NEK4: variants seen among roughly 807,000 people sequenced by gnomAD.
The protein encoded by NEK4 is NIMA related kinase 4.
A neutral mutation model predicts 98.4 loss-of-function variants in NEK4; 86 were observed. That is an observed-to-expected ratio of 0.87 (90% CI 0.73 to 1.05). NEK4 has a LOEUF of 1.05. Ranked by LOEUF, NEK4 falls within the 50% of genes least tolerant of loss-of-function variation. NEK4 has a pLI of 0.00. For missense variants in NEK4, 898 were observed against 950.3 expected, an observed-to-expected ratio of 0.94 and a Z score of 0.72; for synonymous variants, 328 against 342.2, an observed-to-expected ratio of 0.96 and a Z score of 0.46.
In NEK4 at chr3:52,730,463, G is replaced by A. The variant is rs532250971; in HGVS notation, c.2433+7123C>T. 3.3e-5 allele frequency among the ~76,000 whole-genome samples: 5 copies of A among 152,280 alleles called. No homozygotes were observed. The East Asian group carries it at 7.7e-4, about 23-fold the overall frequency. ...GGCTGACGACAATGCCCTGGTGCTG[G>A]GGCCAGACAGGGACACTACAGGAAA... On this transcript the variant is annotated intron_variant, in intron 15 of 15. Transcript: ENST00000233027.
chr3:52,759,849 A>G (rs1224631081), intron 6 of NEK4, among the ~76,000 whole-genome samples: 1 of 152,274 alleles, frequency 6.6e-6, no homozygotes, highest in Non-Finnish European at 1.5e-5. Context: ...CTAATGGATG[A>G]ATGGATAAAC....
chr3:52,770,316 G>GCATGA, intron 1 of NEK4, among the ~76,000 whole-genome samples: 8 of 151,894 alleles, frequency 5.3e-5, no homozygotes, highest in Non-Finnish European at 1.2e-4. Context: ...TCTCATGAGA[G>GCATGA]TATCGGGGTT....
chr3:52,768,140 T>C (rs1424130563), intron 2 of NEK4, among the ~76,000 whole-genome samples, 198 bp downstream of exon 2: 3 of 152,238 alleles, frequency 2.0e-5, no homozygotes, highest in Non-Finnish European at 4.4e-5. Context: ...ATGAAATCTA[T>C]GTCTATTTTA....
chr3:52,747,715 C>G (rs2154104687), intron 8 of NEK4, among the ~76,000 whole-genome samples: 1 of 151,296 alleles, frequency 6.6e-6, no homozygotes, highest in Non-Finnish European at 1.5e-5. Context: ...GAAGCCAAGT[C>G]AGGAAGACCA....
chr3:52,749,729 C>A lies in NEK4; in HGVS notation c.1469G>T (p.Arg490Leu). Residue 490 changes from arginine (R) to leucine (L), a missense_variant, in exon 8 of 16, where the codon CGA becomes CTA. Physicochemically the swap from Arg to Leu is moderately radical, Grantham distance 102. Transcript: ENST00000233027. Reference protein sequence around the residue: ...GSSDSPASASRVAGITGVCHH... With the variant: ...GSSDSPASASLVAGITGVCHH... ...GCACACGCCTGTAATCCCAGCTACT[C>A]GGGAGGCTGAGGCTGGAGAATCACT... is the stretch of plus-strand genomic sequence containing the variant. The A allele has an allele frequency of 4.5e-6, 1 of 224,012 alleles. No individual in the cohort carries two copies. The highest frequency in any genetic ancestry group is 9.3e-6 in the Non-Finnish European group (1 of 107,246). 13.9% of individuals were successfully genotyped at this position (224,012 alleles called of 1,614,324 possible). A position where few individuals can be genotyped will look rare whatever the true frequency, so the allele number is the denominator to read the frequency against.
chr3:52,732,342 C>T (rs1024964606), intron 15 of NEK4, among the ~76,000 whole-genome samples: 7 of 152,204 alleles, frequency 4.6e-5, no homozygotes, highest in South Asian at 2.1e-4. Context: ...TACAGATGCC[C>T]GCCACTGCGC....
At chr3:52,748,880 G>A (rs1204443216) in intron 8 of NEK4, among the ~76,000 whole-genome samples, 1 of 152,170 alleles carries the variant, frequency 6.6e-6, no homozygotes, top group African/African-American at 2.4e-5. Context: ...CCAGCCAGGA[G>A]TTTGAGACCA....
intron 15 of NEK4, among the ~76,000 whole-genome samples, chr3:52,712,489 C>A (rs989185594): frequency 6.6e-6 from 1 of 152,168 alleles, no homozygotes; most frequent in African/African-American, 2.4e-5. Flanking sequence ...CATCTGTAGG[C>A]AGCTTGTGTT....
intron 7 of NEK4, among the ~76,000 whole-genome samples, chr3:52,751,412 C>T (rs1003676666): frequency 6.0e-5 from 9 of 150,596 alleles, no homozygotes; most frequent in East Asian, 5.9e-4. Flanking sequence ...GCCGAGATCA[C>T]GCCACTGCAC....
chr3:52,725,255 T>C (rs2097363449), intron 15 of NEK4, among the ~76,000 whole-genome samples: 1 of 152,206 alleles, frequency 6.6e-6, no homozygotes, highest in African/African-American at 2.4e-5. Context: ...CTCACGCCTG[T>C]AATCCCAGCA....
intron 15 of NEK4, among the ~76,000 whole-genome samples, chr3:52,719,379 T>C (rs2097358103): frequency 6.6e-6 from 1 of 151,634 alleles, no homozygotes; most frequent in Non-Finnish European, 1.5e-5. Flanking sequence ...GACATTGGAG[T>C]ACAAGACCAG....
At chr3:52,760,323 T>C (rs1231754213) in intron 6 of NEK4, among the ~76,000 whole-genome samples, 4 of 152,134 alleles carry the variant, frequency 2.6e-5, no homozygotes, top group African/African-American at 9.7e-5. Flanking sequence ...TTCAAGCGAT[T>C]CTCCTCCCTC....
At chr3:52,744,186 C>T in intron 11 of NEK4, 53 bp downstream of exon 11, 2 of 1,319,332 alleles carry the variant, frequency 1.5e-6, no homozygotes, top group Non-Finnish European at 2.2e-6. Flanking sequence ...TGTTTCTGTC[C>T]ACGAACCATA....
rs552218937 is a variant in NEK4 at position 52,768,606 on chromosome 3, TA to T, written c.94-3del. On this transcript the variant is annotated splice_region_variant and splice_polypyrimidine_tract_variant and intron_variant, in intron 1 of 15. Transcript: ENST00000233027. ...GAGGTTCAGTTTTTTGATGACATAC[TA>T]AAAACAAACCATGTATTTTTACAAT... 915 of 1,612,840 alleles carry T rather than the reference TA, an allele frequency of 5.7e-4. 15 individuals carry two copies. The East Asian group carries it at 0.02, about 35-fold the overall frequency.
At chr3:52,745,993 G>C in intron 10 of NEK4, 68 bp downstream of exon 10, 1 of 1,429,106 alleles carries the variant, frequency 7.0e-7, no homozygotes. Context: ...AAAGTGCTGG[G>C]ATTACATGCA....
chr3:52,756,733 C>T (rs528664182), intron 6 of NEK4, among the ~76,000 whole-genome samples: 1 of 152,190 alleles, frequency 6.6e-6, no homozygotes, highest in Non-Finnish European at 1.5e-5. Context: ...GCACAGGCAA[C>T]ACAAGAAAAA....
At chr3:52,770,000 G>A (rs1049545718) in intron 1 of NEK4, among the ~76,000 whole-genome samples, 1 of 152,164 alleles carries the variant, frequency 6.6e-6, no homozygotes, top group African/African-American at 2.4e-5. Context: ...ACAACAGGGT[G>A]TCCTGGATTG....
In NEK4 at chr3:52,739,607, G is replaced by A. The variant is rs2097382392; in HGVS notation, c.2121C>T (p.Ala707=). Residue 707 remains alanine (A), a synonymous_variant, in exon 14 of 16, where the codon GCC becomes GCT. Coordinates refer to ENST00000233027, the MANE Select transcript of NEK4 (RefSeq NM_003157.6). ...GGGTCTGAGTCATCAATTGTACCAA[G>A]GCATTAATTTCATTTGTCTGACCTT... ...EGKGQTNEIN[A]LVQLMTQTLK... 1.9e-6 allele frequency: 3 copies of A among 1,613,852 alleles called. No individual in the cohort carries two copies. Among genetic ancestry groups the A allele is most frequent in the Non-Finnish European group, 2.5e-6 (3 of 1,179,896 alleles).
At chr3:52,734,959 T>A (rs965076067) in intron 15 of NEK4, 1 of 200,928 alleles carries the variant, frequency 5.0e-6, no homozygotes, top group Admixed American at 5.9e-5. Context: ...CCAAGAGGAT[T>A]TGGCCCTGTG....
Sources: gnomAD v4.1 joint callset for allele counts (sites outside exome capture counted in the v4.1 genomes callset) on GRCh38, gnomAD v4.1.1 for gene constraint, MANE v1.5 for transcripts, NCBI Gene and HGNC (gene_info 2026-07-23, HGNC 2026-07-21) for gene names.